Variants in RAP1GAP2 observed in about 807,000 individuals in gnomAD.
RAP1GAP2 encodes RAP1 GTPase activating protein 2, also known as rap1 GTPase-activating protein 2.
A neutral mutation model predicts 95.0 loss-of-function variants in RAP1GAP2; 27 were observed. The observed-to-expected ratio is 0.28, with a 90% confidence interval of 0.21 to 0.39. The LOEUF (loss-of-function observed/expected upper bound fraction) is 0.39, where lower values mean the gene tolerates loss of function less well. Ranked by LOEUF, RAP1GAP2 falls within the 10% of genes least tolerant of loss-of-function variation. The pLI is 1.00. For synonymous variants in RAP1GAP2, 373 were observed against 380.9 expected (o/e 0.98, Z 0.24); for missense variants, 771 against 970.0 (o/e 0.79, Z 2.72).
intron 2 of RAP1GAP2, among the ~76,000 whole-genome samples, chr17:2,833,575 AGCTAC>A (rs2070998912): frequency 6.6e-6 from 1 of 151,312 alleles, no homozygotes. Flanking sequence ...CTGTAGTCCC[AGCTAC>A]TTGGGAGGCT....
chr17:3,023,138 C>CT (rs1378426431), intron 19 of RAP1GAP2, among the ~76,000 whole-genome samples: 1 of 152,128 alleles, frequency 6.6e-6, no homozygotes, highest in Non-Finnish European at 1.5e-5. Context: ...GGTGAATGAT[C>CT]TTTTTGATGC....
upstream of RAP1GAP2, among the ~76,000 whole-genome samples, chr17:2,775,725 A>T (rs1178173313): frequency 1.3e-5 from 2 of 152,176 alleles, no homozygotes; most frequent in Non-Finnish European, 2.9e-5. Flanking sequence ...ACTTCCCATC[A>T]CTAAGCCATA....
chr17:2,967,021 A>G (rs966591700), intron 8 of RAP1GAP2, among the ~76,000 whole-genome samples: 20 of 152,194 alleles, frequency 1.3e-4, no homozygotes, highest in African/African-American at 4.8e-4. Context: ...GGGGGCAGTT[A>G]GGACTAAAAG....
chr17:2,891,410 T>A (rs1230706565), intron 2 of RAP1GAP2, among the ~76,000 whole-genome samples: 1 of 152,118 alleles, frequency 6.6e-6, no homozygotes, highest in Non-Finnish European at 1.5e-5. Context: ...CAAAGTACTG[T>A]AATTACAGGT....
intron 2 of RAP1GAP2, among the ~76,000 whole-genome samples, chr17:2,895,312 C>G (rs572099357): frequency 2.0e-5 from 3 of 152,154 alleles, no homozygotes; most frequent in Non-Finnish European, 2.9e-5. Context: ...TCCTCCCCAG[C>G]GGGCCCCTTC....
intron 2 of RAP1GAP2, among the ~76,000 whole-genome samples, chr17:2,874,861 C>T (rs1293521227): frequency 6.6e-6 from 1 of 152,128 alleles, no homozygotes; most frequent in Non-Finnish European, 1.5e-5. Flanking sequence ...ACCCTCTGCC[C>T]TCAGTTTGGC....
At chr17:2,815,221 C>T (rs1048538130) in intron 2 of RAP1GAP2, among the ~76,000 whole-genome samples, 3 of 152,190 alleles carry the variant, frequency 2.0e-5, no homozygotes, top group South Asian at 2.1e-4. Context: ...GAACCAGTGC[C>T]GTTTAAAGCA....
chr17:2,996,958 G>A (rs1286593478), intron 13 of RAP1GAP2, among the ~76,000 whole-genome samples: 1 of 152,200 alleles, frequency 6.6e-6, no homozygotes, highest in Non-Finnish European at 1.5e-5. Context: ...ACCTAGCCAG[G>A]ACTCGACATA....
chr17:2,935,934 T>C (rs1199612856), intron 3 of RAP1GAP2, among the ~76,000 whole-genome samples: 1 of 152,122 alleles, frequency 6.6e-6, no homozygotes, highest in African/African-American at 2.4e-5. Context: ...GGGTATTTTA[T>C]AAATGAATGA....
chr17:2,823,298 A>G (rs59016776), intron 2 of RAP1GAP2, among the ~76,000 whole-genome samples: 1 of 151,920 alleles, frequency 6.6e-6, no homozygotes, highest in Non-Finnish European at 1.5e-5. Flanking sequence ...TTGGTCTCCC[A>G]CCCCGGGGCC....
chr17:2,879,528 C>T (rs2073213575), intron 2 of RAP1GAP2, among the ~76,000 whole-genome samples: 1 of 151,864 alleles, frequency 6.6e-6, no homozygotes, highest in Non-Finnish European at 1.5e-5. Flanking sequence ...GAGTTCAAGA[C>T]CAGCCTGGCC....
chr17:2,954,674 A>C (rs1231924745), intron 3 of RAP1GAP2, among the ~76,000 whole-genome samples: 1 of 151,140 alleles, frequency 6.6e-6, no homozygotes, highest in Admixed American at 6.6e-5. Context: ...GCTCACTGCA[A>C]CCTCTGCCTC....
intron 8 of RAP1GAP2, among the ~76,000 whole-genome samples, chr17:2,970,288 A>T (rs61229676): frequency 0.033 from 4,743 of 143,926 alleles, 249 homozygotes; most frequent in African/African-American, 0.12. Flanking sequence ...AAAAAAAAAA[A>T]AAAAAAAATA....
At chr17:2,896,890 C>T (rs1206994976) in intron 2 of RAP1GAP2, among the ~76,000 whole-genome samples, 3 of 152,210 alleles carry the variant, frequency 2.0e-5, no homozygotes, top group South Asian at 2.1e-4. Flanking sequence ...CAGGGTCCTG[C>T]GCAGGGTGTA....
chr17:2,905,201 G>A (rs2151731149), intron 2 of RAP1GAP2, 83 bp from the exon 3 acceptor site: 2 of 1,317,308 alleles, frequency 1.5e-6, no homozygotes, highest in East Asian at 4.8e-5. Context: ...ATGTTAAACT[G>A]TGTCCGAGAG....
chr17:2,884,454 C>A (rs962712490), intron 2 of RAP1GAP2, among the ~76,000 whole-genome samples: 4 of 144,970 alleles, frequency 2.8e-5, no homozygotes, highest in Non-Finnish European at 6.0e-5. Context: ...CTCACTGTAA[C>A]CTTCGCCTCC....
At chr17:2,995,206 G>A in intron 12 of RAP1GAP2, 131 bp from the exon 13 acceptor site, 1 of 1,139,270 alleles carries the variant, frequency 8.8e-7, no homozygotes, top group Non-Finnish European at 1.3e-6. Context: ...ATCACAGCCT[G>A]CTCTGCCCTC....
At chr17:2,954,782 C>T (rs377165767) in intron 3 of RAP1GAP2, among the ~76,000 whole-genome samples, 3 of 151,920 alleles carry the variant, frequency 2.0e-5, no homozygotes, top group East Asian at 1.9e-4. Context: ...TTAGTAGAGA[C>T]GGGGTTTCAC....
In RAP1GAP2 at chr17:2,903,894, G is replaced by A. The variant is rs1279854367; in HGVS notation, c.81-1390G>A. On this transcript the variant is annotated intron_variant, in intron 2 of 24. Coordinates refer to ENST00000254695, the MANE Select transcript of RAP1GAP2 (RefSeq NM_015085.5). This position sits in a 1 kb window ranked among gnomAD's most constrained non-coding sequence, Gnocchi z 4.1. Reference sequence around the variant, plus strand: ...GGGTCTGGGCCTGGAAACCTGGAGGGCTGGGCTCTGTAGGGAGGGTGGGTT... The same window carrying A: ...GGGTCTGGGCCTGGAAACCTGGAGGACTGGGCTCTGTAGGGAGGGTGGGTT... Among the ~76,000 whole-genome samples, 1 of 152,218 alleles carries A rather than the reference G, an allele frequency of 6.6e-6. No homozygotes were observed. The highest frequency in any genetic ancestry group is 1.5e-5 in the Non-Finnish European group (1 of 68,044).
Sources: allele counts gnomAD v4.1 joint callset (sites outside exome capture counted in the v4.1 genomes callset), GRCh38; gene constraint gnomAD v4.1.1; non-coding constraint Gnocchi (gnomAD v3.1); transcripts MANE v1.5; gene names NCBI Gene and HGNC (gene_info 2026-07-23, HGNC 2026-07-21).